The following SIPA1L1 variants were observed in gnomAD, a reference collection of about 807,000 sequenced individuals.
The protein encoded by SIPA1L1 is signal induced proliferation associated 1 like 1, also known as signal-induced proliferation-associated 1-like protein 1.
A neutral mutation model predicts 162.7 loss-of-function variants in SIPA1L1; 26 were observed. The observed-to-expected ratio is 0.16, with a 90% CI of 0.12 to 0.22. The LOEUF is 0.22. Ranked by LOEUF, SIPA1L1 falls within the 10% of genes least tolerant of loss-of-function variation. The pLI, the probability that SIPA1L1 is intolerant of heterozygous loss-of-function variation, is 1.00. For missense variants in SIPA1L1, 1,874 were observed against 2,241.0 expected (o/e 0.84, Z 3.31); for synonymous variants, 829 against 837.4 (o/e 0.99, Z 0.17).
intron 5 of SIPA1L1, among the ~76,000 whole-genome samples, chr14:71,606,161 G>A (rs147349689): frequency 2.0e-5 from 3 of 152,264 alleles, no homozygotes; most frequent in Admixed American, 6.5e-5. Flanking sequence ...TGGGGGTGGC[G>A]GGATTGCTTT....
chr14:71,340,571 C>T (rs145046612), intron 2 of SIPA1L1, among the ~76,000 whole-genome samples: 210 of 152,186 alleles, frequency 1.4e-3, no homozygotes, highest in Non-Finnish European at 2.5e-3. Context: ...TCCGATGCTC[C>T]CCTAGTTTTC....
At chr14:71,720,097 G>A (rs1490200121) in intron 17 of SIPA1L1, among the ~76,000 whole-genome samples, 2 of 152,028 alleles carry the variant, frequency 1.3e-5, no homozygotes, top group African/African-American at 2.4e-5. Flanking sequence ...ACCTTTGAGA[G>A]TTTGATTAAT....
chr14:71,501,932 AC>A (rs2050249250), intron 2 of SIPA1L1, among the ~76,000 whole-genome samples: 1 of 151,140 alleles, frequency 6.6e-6, no homozygotes, highest in South Asian at 2.1e-4. Context: ...TATAGTCCCA[AC>A]TGTTCGGGAG....
intron 13 of SIPA1L1, among the ~76,000 whole-genome samples, chr14:71,687,876 G>C (rs144705887): frequency 1.2e-4 from 18 of 152,218 alleles, no homozygotes; most frequent in African/African-American, 4.1e-4. Context: ...GGCTGACGAG[G>C]TTTTCAGGAA....
chr14:71,736,875 C>T (rs1033586184), intron 22 of SIPA1L1, among the ~76,000 whole-genome samples: 2 of 152,202 alleles, frequency 1.3e-5, no homozygotes, highest in Non-Finnish European at 2.9e-5. Flanking sequence ...AGACAGAATG[C>T]TCCTGAGCGT....
chr14:71,345,292 T>C (rs568502125), intron 2 of SIPA1L1, among the ~76,000 whole-genome samples: 5 of 152,266 alleles, frequency 3.3e-5, no homozygotes, highest in African/African-American at 1.2e-4. Context: ...ATACTCATGC[T>C]CTTTCATGCA....
intron 2 of SIPA1L1, among the ~76,000 whole-genome samples, chr14:71,360,925 G>A (rs1045613251): frequency 1.3e-5 from 2 of 152,138 alleles, no homozygotes; most frequent in African/African-American, 4.8e-5. Context: ...CGTAAGGGTA[G>A]TAAGACATCA....
At chr14:71,548,941 T>C (rs1006268238) in intron 4 of SIPA1L1, among the ~76,000 whole-genome samples, 5 of 150,316 alleles carry the variant, frequency 3.3e-5, no homozygotes, top group East Asian at 2.0e-4. Flanking sequence ...TAGTGAGATA[T>C]AGCTTAAAGT....
At chr14:71,335,041 T>C (rs2034941252) in intron 2 of SIPA1L1, among the ~76,000 whole-genome samples, 1 of 152,378 alleles carries the variant, frequency 6.6e-6, no homozygotes, top group African/African-American at 2.4e-5. Context: ...GGCTCACGCC[T>C]GTAATCCCAA....
chr14:71,417,344 G>A (rs2042847180), intron 2 of SIPA1L1, among the ~76,000 whole-genome samples: 1 of 150,404 alleles, frequency 6.6e-6, no homozygotes, highest in Non-Finnish European at 1.5e-5. Context: ...GGTGGCGGGT[G>A]CCTGTAGTCC....
intron 2 of SIPA1L1, among the ~76,000 whole-genome samples, chr14:71,496,598 G>A (rs139462716): frequency 6.6e-6 from 1 of 152,294 alleles, no homozygotes; most frequent in Non-Finnish European, 1.5e-5. Flanking sequence ...TTCTATAGAT[G>A]TCAGTTAAGT....
chr14:71,494,060 G>A (rs189390317), intron 2 of SIPA1L1, among the ~76,000 whole-genome samples: 25 of 152,282 alleles, frequency 1.6e-4, no homozygotes, highest in Admixed American at 3.3e-4. Context: ...GCTTTGGAAG[G>A]TTATCAGTTT....
intron 13 of SIPA1L1, among the ~76,000 whole-genome samples, chr14:71,692,341 T>G (rs189910620): frequency 5.9e-5 from 9 of 152,364 alleles, no homozygotes; most frequent in Non-Finnish European, 1.5e-5. Flanking sequence ...AGAGCTTTTC[T>G]AAAATTGACT....
intron 3 of SIPA1L1, among the ~76,000 whole-genome samples, chr14:71,517,724 G>A (rs2051888727): frequency 6.6e-6 from 1 of 152,164 alleles, no homozygotes; most frequent in Admixed American, 6.5e-5. Flanking sequence ...CAAGCTAGTA[G>A]TGTGAAAGGT....
chr14:71,583,512 T>C (rs913086375), intron 4 of SIPA1L1, among the ~76,000 whole-genome samples: 11 of 152,116 alleles, frequency 7.2e-5, no homozygotes, highest in Admixed American at 2.6e-4. Flanking sequence ...CATATTGCAC[T>C]GTAATTCTTT....
chr14:71,393,766 A>G (rs2040956646), intron 2 of SIPA1L1, among the ~76,000 whole-genome samples: 1 of 152,202 alleles, frequency 6.6e-6, no homozygotes, highest in South Asian at 2.1e-4. Flanking sequence ...GACTGCAGTG[A>G]GCCATGATCA....
intron 18 of SIPA1L1, among the ~76,000 whole-genome samples, 186 bp from the exon 19 acceptor site, chr14:71,724,484 A>G (rs113606869): frequency 6.6e-6 from 1 of 152,146 alleles, no homozygotes; most frequent in Non-Finnish European, 1.5e-5. Flanking sequence ...TTGTGTTTCA[A>G]ATTGGTTTTG....
intron 5 of SIPA1L1, among the ~76,000 whole-genome samples, chr14:71,617,832 G>A (rs2039001612): frequency 6.6e-6 from 1 of 152,064 alleles, no homozygotes; most frequent in African/African-American, 2.4e-5. Flanking sequence ...TAAGCATTTT[G>A]GAGGTTTGAA....
intron 7 of SIPA1L1, among the ~76,000 whole-genome samples, chr14:71,629,075 C>T (rs143741716): frequency 6.6e-6 from 1 of 152,074 alleles, no homozygotes; most frequent in East Asian, 1.9e-4. Flanking sequence ...GTAGCTGGGA[C>T]TACAGGCACC....
Sources: gnomAD v4.1 joint callset for allele counts (sites outside exome capture counted in the v4.1 genomes callset) on GRCh38, gnomAD v4.1.1 for gene constraint, MANE v1.5 for transcripts, NCBI Gene and HGNC (gene_info 2026-07-23, HGNC 2026-07-21) for gene names.